The following TAX1BP1 variants were observed in gnomAD, a reference collection of about 807,000 sequenced individuals.
TAX1BP1 encodes tax1-binding protein 1.
A neutral mutation model predicts 97.7 loss-of-function variants in TAX1BP1; 62 were observed. That is an observed-to-expected ratio of 0.63 (90% confidence interval 0.52 to 0.78). The LOEUF (loss-of-function observed/expected upper bound fraction) is 0.78, where lower values mean the gene tolerates loss of function less well. TAX1BP1 is among the 30% of genes least tolerant of loss of function. The pLI, the probability that TAX1BP1 is intolerant of heterozygous loss-of-function variation, is 0.00. For synonymous variants in TAX1BP1, 340 were observed against 304.2 expected, an observed-to-expected ratio of 1.12 and a Z score of -1.23; for missense variants, 867 against 916.1, an observed-to-expected ratio of 0.95 and a Z score of 0.69.
chr7:27,795,612 G>A (rs1789896125), intron 11 of TAX1BP1, among the ~76,000 whole-genome samples: 1 of 152,130 alleles, frequency 6.6e-6, no homozygotes, highest in African/African-American at 2.4e-5. Flanking sequence ...GAGTGCAGTG[G>A]CGTGATCTCA....
chr7:27,752,974 T>C (rs1176138362), intron 2 of TAX1BP1, among the ~76,000 whole-genome samples: 2 of 152,192 alleles, frequency 1.3e-5, no homozygotes, highest in African/African-American at 2.4e-5. Flanking sequence ...GTGACAGAAT[T>C]GAAGTAAAAT....
chr7:27,742,095 A>C (rs1296037701), intron 1 of TAX1BP1, among the ~76,000 whole-genome samples: 2 of 151,986 alleles, frequency 1.3e-5, no homozygotes, highest in African/African-American at 2.4e-5. Flanking sequence ...TTTTATACTG[A>C]GACATTCCAT....
chr7:27,757,629 T>C (rs922074148), intron 2 of TAX1BP1, among the ~76,000 whole-genome samples: 2 of 152,096 alleles, frequency 1.3e-5, no homozygotes, highest in African/African-American at 4.8e-5. Flanking sequence ...TTGGATCTGC[T>C]AGACATTCAG....
chr7:27,748,495 C>A lies in TAX1BP1; in HGVS notation c.-7-23C>A, dbSNP rs769902499. ...TTTATTCTTAGTTGGTATAATTTAA[C>A]TTGTATGAATTACTTGTTTCAGATT... On this transcript the variant is annotated intron_variant, in intron 1 of 16. Transcript: ENST00000396319. 20 of 1,527,142 alleles carry A rather than the reference C, an allele frequency of 1.3e-5. No homozygotes were observed. The South Asian group carries it at 2.5e-4, about 19-fold the overall frequency. 94.6% of individuals were successfully genotyped at this position (1,527,142 alleles called of 1,614,324 possible).
intron 1 of TAX1BP1, among the ~76,000 whole-genome samples, chr7:27,741,909 C>G (rs2128305370): frequency 6.6e-6 from 1 of 152,286 alleles, no homozygotes; most frequent in Middle Eastern, 3.4e-3. Context: ...AGCAGACAAA[C>G]ACGTGAACAA....
At chr7:27,760,669 C>T (rs187960930) in intron 3 of TAX1BP1, among the ~76,000 whole-genome samples, 10 of 152,340 alleles carry the variant, frequency 6.6e-5, no homozygotes, top group African/African-American at 2.4e-4. Flanking sequence ...GTTGGAATTA[C>T]AGGCATGAGC....
rs984436260 is a variant in TAX1BP1 at position 27,829,066 on chromosome 7, C to T, written c.*237C>T. On this transcript the variant is annotated 3_prime_UTR_variant, in exon 17 of 17. Transcript: ENST00000396319. ...CTTTAAAAAAAAGTTCTTGTGTGTT[C>T]GTATCTTTATTTATTCCCTAGTTTG... 3 of 386,244 alleles carry T rather than the reference C, an allele frequency of 7.8e-6. No individual in the cohort carries two copies. Among genetic ancestry groups the T allele is most frequent in the East Asian group, 8.0e-5 (2 of 25,118 alleles). The allele number at this position is 386,244 out of a possible 1,614,324, so 23.9% of individuals were successfully genotyped here. A position where few individuals can be genotyped will look rare whatever the true frequency, so the allele number is the denominator to read the frequency against.
At chr7:27,792,967 CA>C (rs752888862) in intron 9 of TAX1BP1, 98 bp from the exon 10 acceptor site, 98 of 1,175,936 alleles carry the variant, frequency 8.3e-5, no homozygotes, top group Admixed American at 1.6e-4. Flanking sequence ...GTCTCAAAAA[CA>C]AAAAAAAGAA....
At chr7:27,824,784 C>G (rs1358783828) in intron 15 of TAX1BP1, among the ~76,000 whole-genome samples, 1 of 151,610 alleles carries the variant, frequency 6.6e-6, no homozygotes, top group African/African-American at 2.4e-5. Context: ...AACAATAGGG[C>G]GTTTAGATCT....
chr7:27,759,983 A>G (rs1032267322), intron 3 of TAX1BP1, among the ~76,000 whole-genome samples: 11 of 151,442 alleles, frequency 7.3e-5, no homozygotes, highest in Admixed American at 2.0e-4. Context: ...CCTCCTGAGT[A>G]GCTGGAACTA....
In TAX1BP1 at chr7:27,823,154, G is replaced by C. The variant is rs7809470; in HGVS notation, c.2086-4584G>C. Among the ~76,000 whole-genome samples the C allele has an allele frequency of 7.4e-3, 1,126 of 152,222 alleles. 15 individuals carry two copies. Among genetic ancestry groups the C allele is most frequent in the African/African-American group, 0.026 (1,071 of 41,542 alleles). On this transcript the variant is annotated intron_variant, in intron 15 of 16. Transcript: ENST00000396319. ...TCTTCATTGATATATTACTAGAAAT[G>C]AATGTCTGGCAAAGCATAAGCAATA...
At chr7:27,816,837 A>G (rs1364999991) in intron 14 of TAX1BP1, 53 bp from the exon 15 acceptor site, 3 of 1,598,288 alleles carry the variant, frequency 1.9e-6, no homozygotes, top group Non-Finnish European at 2.6e-6. Flanking sequence ...GTATATACAG[A>G]TGTTAGTTGT....
chr7:27,797,618 T>G (rs1789986635), intron 12 of TAX1BP1, among the ~76,000 whole-genome samples: 1 of 151,882 alleles, frequency 6.6e-6, no homozygotes, highest in Non-Finnish European at 1.5e-5. Flanking sequence ...AATAGCAAAA[T>G]CTTTTAACCA....
chr7:27,760,808 C>T (rs1384422190), intron 3 of TAX1BP1, among the ~76,000 whole-genome samples: 1 of 152,160 alleles, frequency 6.6e-6, no homozygotes, highest in Non-Finnish European at 1.5e-5. Flanking sequence ...ATGCACATAG[C>T]TTTGGTATAG....
intron 2 of TAX1BP1, among the ~76,000 whole-genome samples, chr7:27,755,825 A>G (rs533420021): frequency 1.3e-5 from 2 of 152,312 alleles, no homozygotes; most frequent in Non-Finnish European, 2.9e-5. Flanking sequence ...AGATTCAGGT[A>G]TATCTCCTAG....
Position 27,794,521 on chromosome 7 carries a change from A to C in TAX1BP1, c.1534+75A>C. ...CTTATACTGCCTTCTTCCATGTGTT[A>C]GAATTTCAGGATGTTCATAAAAATT... On this transcript the variant is annotated intron_variant, in intron 11 of 16. Transcript: ENST00000396319. The C allele has an allele frequency of 2.1e-6, 3 of 1,399,592 alleles. No individual in the cohort carries two copies. In the East Asian group the frequency reaches 7.3e-5, roughly 34 times the overall value. 86.7% of individuals were successfully genotyped at this position (1,399,592 alleles called of 1,614,324 possible).
In TAX1BP1 at chr7:27,816,516, A is replaced by C; in HGVS notation, c.1932A>C (p.Thr644=). The change falls in exon 14 of 17, where the codon ACA becomes ACC. Residue 644 remains threonine, a synonymous_variant. Transcript: ENST00000396319. ...QYGNPYASQE[T]RDGADGAFYP... is the part of the protein sequence containing the mutation. Reference sequence around the variant, plus strand: ...GTAATCCTTATGCATCTCAGGAAACAAGAGGTTATTACAGTATTTTTGGTT... The same window carrying C: ...GTAATCCTTATGCATCTCAGGAAACCAGAGGTTATTACAGTATTTTTGGTT... 1 of 1,532,420 alleles carries C rather than the reference A, an allele frequency of 6.5e-7. No homozygotes were observed. The highest frequency in any genetic ancestry group is 8.7e-7 in the Non-Finnish European group (1 of 1,152,260). 94.9% of individuals were successfully genotyped at this position (1,532,420 alleles called of 1,614,324 possible).
In TAX1BP1 at chr7:27,829,285, T is replaced by C. The variant is rs1250568421; in HGVS notation, c.*456T>C. ...CAGTCTTATGAAGTAGTTCTTCGAA[T>C]ATAGAAAGTTCTATAATTTAGCCCA... On this transcript the variant is annotated 3_prime_UTR_variant, in exon 17 of 17. Transcript: ENST00000396319. The C allele has an allele frequency of 6.6e-6, 1 of 152,642 alleles. No individual in the cohort carries two copies. Among genetic ancestry groups the C allele is most frequent in the African/African-American group, 2.4e-5 (1 of 41,472 alleles). 9.5% of individuals were successfully genotyped at this position (152,642 alleles called of 1,614,324 possible).
intron 8 of TAX1BP1, among the ~76,000 whole-genome samples, chr7:27,791,066 A>G (rs1259533033): frequency 1.3e-5 from 2 of 152,106 alleles, no homozygotes; most frequent in African/African-American, 4.8e-5. Context: ...TTTCTTGAAT[A>G]TATTACATAT....
Sources: gnomAD v4.1 joint callset for allele counts (sites outside exome capture counted in the v4.1 genomes callset) on GRCh38, gnomAD v4.1.1 for gene constraint, MANE v1.5 for transcripts, NCBI Gene and HGNC (gene_info 2026-07-23, HGNC 2026-07-21) for gene names.